The following LAMA2 variants were observed in gnomAD, a reference collection of about 807,000 sequenced individuals.
The protein encoded by LAMA2 is laminin subunit alpha-2.
Under a neutral mutation model 364.8 loss-of-function variants are expected in LAMA2, and 269 were observed. The ratio of observed to expected loss-of-function variants is 0.74; its 90% confidence interval spans 0.67 to 0.82. The LOEUF (loss-of-function observed/expected upper bound fraction) is 0.82, where lower values mean the gene tolerates loss of function less well. Among genes scored for constraint, LAMA2 ranks in the 40% least tolerant of loss-of-function variants. The pLI is 0.00. For missense variants in LAMA2, 3,807 were observed against 3,873.2 expected (o/e 0.98, Z 0.45); for synonymous variants, 1,379 against 1,370.6 (o/e 1.01, Z -0.14).
rs749566145 is a variant in LAMA2 at position 129,473,289 on chromosome 6, G to GT, written c.7377dup (p.Leu2460SerfsTer2). 8.7e-6 allele frequency: 14 copies of GT among 1,612,310 alleles called. No homozygotes were observed. The highest frequency in any genetic ancestry group is 1.7e-6 in the Non-Finnish European group (2 of 1,178,918). ...ACTTCGTCTTCTGGAAACAACTTTG[G>GT]TCTTGACTTGAAAGCAGATGACAAA... is the stretch of plus-strand genomic sequence containing the variant. On this transcript the variant is annotated frameshift_variant, in exon 52 of 65. Coordinates refer to ENST00000421865, the MANE Select transcript of LAMA2 (RefSeq NM_000426.4). LOFTEE classifies it high-confidence loss of function.
intron 52 of LAMA2, among the ~76,000 whole-genome samples, chr6:129,474,186 AC>A (rs1275072092): frequency 1.3e-5 from 2 of 152,040 alleles, no homozygotes; most frequent in Admixed American, 6.6e-5. Flanking sequence ...AGGTGTTTCT[AC>A]TCCAAAAAGA....
At chr6:129,499,409 AC>A (rs1448743869) in intron 58 of LAMA2, among the ~76,000 whole-genome samples, 4 of 152,166 alleles carry the variant, frequency 2.6e-5, no homozygotes, top group African/African-American at 9.7e-5. Flanking sequence ...TCTTGCAATG[AC>A]CATTCTTTAA....
At chr6:129,054,411 C>G (rs1562195285) in intron 2 of LAMA2, among the ~76,000 whole-genome samples, 2 of 151,982 alleles carry the variant, frequency 1.3e-5, no homozygotes. Context: ...ATGACAAAGC[C>G]TGATGGAGGG....
chr6:129,415,096 C>G (rs921926867), intron 40 of LAMA2, among the ~76,000 whole-genome samples: 1 of 152,170 alleles, frequency 6.6e-6, no homozygotes, highest in African/African-American at 2.4e-5. Flanking sequence ...AGACTCTGCA[C>G]TCTTTAAGAT....
chr6:129,118,087 C>G (rs1203989982), intron 4 of LAMA2, among the ~76,000 whole-genome samples: 1 of 152,140 alleles, frequency 6.6e-6, no homozygotes, highest in Non-Finnish European at 1.5e-5. Context: ...GTGTGACTCC[C>G]TGCCAAATAT....
At chr6:129,052,657 C>A (rs895606004) in intron 2 of LAMA2, among the ~76,000 whole-genome samples, 2 of 152,074 alleles carry the variant, frequency 1.3e-5, no homozygotes, top group African/African-American at 4.8e-5. Context: ...TCATAGACTG[C>A]ATTAGGGTTT....
In LAMA2 at chr6:129,339,616, G is replaced by A. The variant is rs766103678; in HGVS notation, c.4312-2727G>A. Among the ~76,000 whole-genome samples the A allele has an allele frequency of 2.2e-4, 33 of 152,228 alleles. 1 individual carries two copies. The highest frequency in any genetic ancestry group is 6.3e-4 in the African/African-American group (26 of 41,536). ...GAGGACCAAAGTTAGAATTAAGGGC[G>A]TCAATTATATTGAACAGAAAGGGAA... On this transcript the variant is annotated intron_variant, in intron 29 of 64. Transcript: ENST00000421865.
intron 10 of LAMA2, among the ~76,000 whole-genome samples, chr6:129,187,980 C>T (rs933792682): frequency 6.6e-6 from 1 of 151,792 alleles, no homozygotes; most frequent in African/African-American, 2.4e-5. Flanking sequence ...TATCTATGTC[C>T]ACAAGTTGAA....
At chr6:129,444,372 A>G (rs575529196) in intron 44 of LAMA2, among the ~76,000 whole-genome samples, 2 of 152,348 alleles carry the variant, frequency 1.3e-5, no homozygotes, top group East Asian at 3.9e-4. Context: ...GAATGTCAGA[A>G]TAACAATGGA....
chr6:129,324,545 A>G (rs1388527804), intron 28 of LAMA2, among the ~76,000 whole-genome samples: 3 of 152,210 alleles, frequency 2.0e-5, no homozygotes, highest in Admixed American at 2.0e-4. Flanking sequence ...CGACAGGGAT[A>G]CGTTCTGAGA....
intron 12 of LAMA2, among the ~76,000 whole-genome samples, chr6:129,206,568 T>A (rs145510678): frequency 2.0e-5 from 3 of 152,348 alleles, no homozygotes; most frequent in African/African-American, 7.2e-5. Context: ...AATAGCACTC[T>A]TATCTTTTCA....
At chr6:129,207,846 A>G (rs962038346) in intron 12 of LAMA2, among the ~76,000 whole-genome samples, 10 of 152,184 alleles carry the variant, frequency 6.6e-5, no homozygotes, top group Admixed American at 2.0e-4. Flanking sequence ...AAACAAGAAC[A>G]TCACCTTGAT....
At chr6:129,450,241 G>GTCA in intron 45 of LAMA2, among the ~76,000 whole-genome samples, 1 of 151,782 alleles carries the variant, frequency 6.6e-6, no homozygotes, top group African/African-American at 2.4e-5. Context: ...TTTATATTGA[G>GTCA]TCATCTCTTC....
At chr6:129,399,675 G>A (rs1241027310) in intron 37 of LAMA2, among the ~76,000 whole-genome samples, 1 of 152,128 alleles carries the variant, frequency 6.6e-6, no homozygotes. Flanking sequence ...CCAGAATGGA[G>A]GGAGGACACA....
chr6:129,170,227 C>G (rs898541406), intron 9 of LAMA2, among the ~76,000 whole-genome samples: 1 of 146,438 alleles, frequency 6.8e-6, no homozygotes, highest in African/African-American at 2.6e-5. Flanking sequence ...TTTGCTCCTG[C>G]TTTTCTAGTT....
Position 129,146,969 on chromosome 6 carries a change from C to A in LAMA2, c.830C>A (p.Ser277Ter). The change falls in exon 6 of 65, where the codon TCG becomes TAG. Residue 277 changes from serine (S) to a stop codon, truncating the protein, a stop_gained. Transcript: ENST00000421865. LOFTEE classifies it high-confidence loss of function. ...DPIVTRRYYY[S>*]VKDISVGGMC... Reference sequence around the variant, plus strand: ...GATTGCTTTTTGCAGTATTACTACTCGGTCAAGGATATTTCAGTTGGAGGG... The same window carrying A: ...GATTGCTTTTTGCAGTATTACTACTAGGTCAAGGATATTTCAGTTGGAGGG... 1 of 1,607,702 alleles carries A rather than the reference C, an allele frequency of 6.2e-7. No homozygotes were observed. Among genetic ancestry groups the A allele is most frequent in the Non-Finnish European group, 8.5e-7 (1 of 1,174,374 alleles).
chr6:129,287,631 C>T (rs553618164), intron 18 of LAMA2, among the ~76,000 whole-genome samples: 4 of 152,180 alleles, frequency 2.6e-5, no homozygotes, highest in South Asian at 2.1e-4. Flanking sequence ...ATATTTTTTT[C>T]GGGCTGAAAT....
At chr6:129,454,376 C>A (rs1782849735) in intron 47 of LAMA2, 88 bp downstream of exon 47, 1 of 1,061,116 alleles carries the variant, frequency 9.4e-7, no homozygotes, top group Non-Finnish European at 1.4e-6. Flanking sequence ...ATTTCCATTT[C>A]AATAAGGTAA....
At chr6:128,905,741 G>A (rs910210246) in intron 1 of LAMA2, among the ~76,000 whole-genome samples, 9 of 151,290 alleles carry the variant, frequency 5.9e-5, no homozygotes, top group African/African-American at 9.7e-5. Flanking sequence ...CCACTAACTC[G>A]TCATCTAGCA....
Sources: gnomAD v4.1 joint callset for allele counts (sites outside exome capture counted in the v4.1 genomes callset) on GRCh38, gnomAD v4.1.1 for gene constraint, MANE v1.5 for transcripts, NCBI Gene and HGNC (gene_info 2026-07-23, HGNC 2026-07-21) for gene names.